MAP6: variants seen among roughly 807,000 people sequenced by gnomAD.
MAP6 encodes microtubule associated protein 6, also known as microtubule-associated protein 6.
Under a neutral mutation model 42.4 loss-of-function variants are expected in MAP6, and 26 were observed. The observed-to-expected ratio is 0.61, with a 90% CI of 0.45 to 0.85. MAP6 has a LOEUF of 0.85. Ranked by LOEUF, MAP6 falls within the 40% of genes least tolerant of loss-of-function variation. MAP6 has a pLI of 0.00. For missense variants in MAP6, 966 were observed against 1,099.0 expected, an observed-to-expected ratio of 0.88 and a Z score of 1.71; for synonymous variants, 418 against 443.8, an observed-to-expected ratio of 0.94 and a Z score of 0.73.
chr11:75,668,509 C>T lies in MAP6; in HGVS notation c.-140G>A, dbSNP rs1177211467. Reference sequence around the variant, plus strand: ...CCCCCGATCAGCCGGAGCTAGTTCGCCCTCCTCCCTCAGCGAGCACCCGGG... The same window carrying T: ...CCCCCGATCAGCCGGAGCTAGTTCGTCCTCCTCCCTCAGCGAGCACCCGGG... On this transcript the variant is annotated 5_prime_UTR_variant, in exon 1 of 4. Transcript: ENST00000304771. The T allele has an allele frequency of 1.6e-6, 2 of 1,261,298 alleles. No homozygotes were observed. The highest frequency in any genetic ancestry group is 2.1e-6 in the Non-Finnish European group (2 of 974,102). The allele number at this position is 1,261,298 out of a possible 1,614,324, so 78.1% of individuals were successfully genotyped here. A position where few individuals can be genotyped will look rare whatever the true frequency, so the allele number is the denominator to read the frequency against.
Position 75,668,044 on chromosome 11 carries a change from C to G in MAP6, c.326G>C (p.Gly109Ala). The change falls in exon 1 of 4, where the codon GGC becomes GCC. Residue 109 changes from glycine (G) to alanine (A), a missense_variant. Transcript: ENST00000304771. ...CGCGGGGCCGGAGGTGGAGCCGGAG[C>G]CCAGGCCCGGGCCCGGCCCGCTCCG... The part of the protein sequence containing the change: ...PGRSGPGPGL[G>A]SGSTSGPADS... The G allele has an allele frequency of 8.1e-7, 1 of 1,229,050 alleles. No homozygotes were observed. The highest frequency in any genetic ancestry group is 1.0e-6 in the Non-Finnish European group (1 of 986,904). 76.1% of individuals were successfully genotyped at this position (1,229,050 alleles called of 1,614,324 possible).
Position 75,605,675 on chromosome 11 carries a change from A to G in MAP6, c.1316+133T>C, listed in dbSNP as rs979496865. 1.6e-4 allele frequency: 232 copies of G among 1,468,032 alleles called. 1 individual carries two copies. Among genetic ancestry groups the G allele is most frequent in the Non-Finnish European group, 2.0e-4 (218 of 1,115,004 alleles). 90.9% of individuals were successfully genotyped at this position (1,468,032 alleles called of 1,614,324 possible). A position where few individuals can be genotyped will look rare whatever the true frequency, so the allele number is the denominator to read the frequency against. Reference sequence around the variant, plus strand: ...AGAAGCCAAACCAAAGAGCTCCTGGAACACTCAGGACCAAGGCAGATGAGA... The same window carrying G: ...AGAAGCCAAACCAAAGAGCTCCTGGGACACTCAGGACCAAGGCAGATGAGA... On this transcript the variant is annotated intron_variant, in intron 3 of 3. Coordinates refer to ENST00000304771, the MANE Select transcript of MAP6 (RefSeq NM_033063.2).
At chr11:75,624,678 G>A (rs908732029) in intron 1 of MAP6, among the ~76,000 whole-genome samples, 2 of 152,166 alleles carry the variant, frequency 1.3e-5, no homozygotes, top group East Asian at 1.9e-4. Context: ...GGCCAAAAAA[G>A]GGAGTAGATA....
intron 3 of MAP6, 140 bp from the exon 4 acceptor site, chr11:75,588,324 C>T: frequency 1.9e-6 from 1 of 523,486 alleles, no homozygotes; most frequent in Non-Finnish European, 3.2e-6. Flanking sequence ...AATATGATTT[C>T]TGTGTTCTTA....
intron 1 of MAP6, among the ~76,000 whole-genome samples, chr11:75,632,943 C>T (rs1007871839): frequency 6.6e-6 from 1 of 151,984 alleles, no homozygotes; most frequent in African/African-American, 2.4e-5. Context: ...AACCAGCATT[C>T]CAGCTTCTCA....
At chr11:75,605,759 G>A (rs1197209378) in intron 3 of MAP6, 49 bp downstream of exon 3, 1 of 1,583,592 alleles carries the variant, frequency 6.3e-7, no homozygotes, top group African/African-American at 1.4e-5. Flanking sequence ...AAAAAGTTGG[G>A]GGGAGGGAGA....
At chr11:75,596,063 A>G (rs1163902710) in intron 3 of MAP6, 2 of 152,168 alleles carry the variant, frequency 1.3e-5, no homozygotes, top group Non-Finnish European at 2.9e-5. Flanking sequence ...ATGTTTTCCT[A>G]TTTTTAACTT....
intron 1 of MAP6, chr11:75,642,639 G>T (rs148846998): frequency 6.5e-4 from 120 of 184,246 alleles, no homozygotes; most frequent in African/African-American, 2.6e-3. Context: ...TGGAAACCTT[G>T]CCATAAGACA....
intron 1 of MAP6, among the ~76,000 whole-genome samples, chr11:75,649,151 G>A (rs998234562): frequency 6.6e-6 from 1 of 152,090 alleles, no homozygotes. Flanking sequence ...AACATAAATA[G>A]GGAAATAAAT....
intron 2 of MAP6, among the ~76,000 whole-genome samples, chr11:75,606,480 C>T (rs1942777915): frequency 6.6e-6 from 1 of 152,196 alleles, no homozygotes; most frequent in South Asian, 2.1e-4. Context: ...GGCTGCTCTG[C>T]CACCCAAGAC....
chr11:75,587,318 C>A lies in MAP6; in HGVS notation c.2183G>T (p.Gly728Val). 2 of 1,614,112 alleles carry A rather than the reference C, an allele frequency of 1.2e-6. No homozygotes were observed. The highest frequency in any genetic ancestry group is 1.7e-6 in the Non-Finnish European group (2 of 1,180,024). Residue 728 changes from glycine (G) to valine (V), a missense_variant, in exon 4 of 4, where the codon GGC becomes GTC. Transcript: ENST00000304771. Reference protein sequence around the residue: ...PILPVLVKDQGPTVLQPPKNQ... With the variant: ...PILPVLVKDQVPTVLQPPKNQ... ...CTTTGGAGGCTGTAGGACTGTGGGG[C>A]CTTGATCCTTAACTAGTACTGGGAG...
At chr11:75,599,560 G>A (rs1051596149) in intron 3 of MAP6, among the ~76,000 whole-genome samples, 3 of 152,204 alleles carry the variant, frequency 2.0e-5, no homozygotes, top group East Asian at 3.8e-4. Context: ...TGAGCCAGAT[G>A]TATATAGATC....
chr11:75,636,925 T>C (rs997926820), intron 1 of MAP6, among the ~76,000 whole-genome samples: 1 of 152,190 alleles, frequency 6.6e-6, no homozygotes, highest in South Asian at 2.1e-4. Flanking sequence ...GAGCGAAATA[T>C]CTCTTTCAAT....
At position 75,667,814 on chromosome 11, in the gene MAP6, C is replaced by A; in HGVS notation, c.556G>T (p.Ala186Ser). The change falls in exon 1 of 4, where the codon GCG (alanine) becomes TCG (serine). Residue 186 changes from alanine (A) to serine (S), a missense_variant. Physicochemically the swap from Ala to Ser is moderately conservative, Grantham distance 99 (BLOSUM62 1). Transcript: ENST00000304771. The surrounding 1 kb of genome is among the most constrained non-coding windows in gnomAD (Gnocchi z 5.6). ...KPVQISAASQASAPILGAPKR... is the reference protein window; with the variant it reads ...KPVQISAASQSSAPILGAPKR... Reference sequence around the variant, plus strand: ...GGCGCCCCGAGAATGGGCGCCGACGCCTGGGAGGCCGCAGAGATCTGCACG... The same window carrying A: ...GGCGCCCCGAGAATGGGCGCCGACGACTGGGAGGCCGCAGAGATCTGCACG... 1 of 1,320,204 alleles carries A rather than the reference C, an allele frequency of 7.6e-7. No homozygotes were observed. Among genetic ancestry groups the A allele is most frequent in the South Asian group, 2.1e-5 (1 of 48,650 alleles). The allele number at this position is 1,320,204 out of a possible 1,614,324, so 81.8% of individuals were successfully genotyped here.
At chr11:75,621,964 A>G (rs923007609) in intron 1 of MAP6, among the ~76,000 whole-genome samples, 1 of 152,098 alleles carries the variant, frequency 6.6e-6, no homozygotes, top group Non-Finnish European at 1.5e-5. Flanking sequence ...TGGAGGTTGT[A>G]GTGATCTGAG....
chr11:75,618,985 G>A (rs376042676), intron 1 of MAP6, among the ~76,000 whole-genome samples: 20 of 152,340 alleles, frequency 1.3e-4, no homozygotes, highest in African/African-American at 4.3e-4. Flanking sequence ...GGCCGGCTGA[G>A]GGGGAGTGGG....
chr11:75,624,907 T>C (rs1943171208), intron 1 of MAP6, among the ~76,000 whole-genome samples: 1 of 152,142 alleles, frequency 6.6e-6, no homozygotes, highest in South Asian at 2.1e-4. Flanking sequence ...CTGCTGGCGA[T>C]TCTGTTCAAC....
intron 1 of MAP6, among the ~76,000 whole-genome samples, chr11:75,628,008 A>G (rs1353842806): frequency 6.6e-6 from 1 of 152,162 alleles, no homozygotes; most frequent in East Asian, 1.9e-4. Context: ...ACTGAAATCA[A>G]GAGAGAGGCT....
intron 1 of MAP6, chr11:75,638,481 AC>A (rs1464027483): frequency 1.3e-5 from 2 of 152,168 alleles, no homozygotes; most frequent in Non-Finnish European, 2.9e-5. Context: ...TTGTTGTACC[AC>A]TAAATGGGGA....
Sources: allele counts gnomAD v4.1 joint callset (sites outside exome capture counted in the v4.1 genomes callset), GRCh38; gene constraint gnomAD v4.1.1; non-coding constraint Gnocchi (gnomAD v3.1); transcripts MANE v1.5; gene names NCBI Gene and HGNC (gene_info 2026-07-23, HGNC 2026-07-21).